The following EML3 variants were observed in gnomAD, a reference collection of about 807,000 sequenced individuals.
EML3 encodes echinoderm microtubule-associated protein-like 3.
EML3 carries 53 observed loss-of-function variants against 106.7 expected under a neutral mutation model. The ratio of observed to expected loss-of-function variants is 0.50; its 90% CI spans 0.40 to 0.62. The LOEUF (loss-of-function observed/expected upper bound fraction) is 0.62, where lower values mean the gene tolerates loss of function less well. EML3 is among the 20% of genes least tolerant of loss of function. EML3 has a pLI of 0.00. For synonymous variants in EML3, 499 were observed against 489.6 expected (o/e 1.02, Z -0.25); for missense variants, 994 against 1,209.1 (o/e 0.82, Z 2.64).
At chr11:62,602,707 G>A (rs772244133) in intron 21 of EML3, 29 bp from the exon 22 acceptor site, 9 of 1,599,412 alleles carry the variant, frequency 5.6e-6, no homozygotes, top group Non-Finnish European at 7.7e-6. Context: ...TTGCGGTGGC[G>A]GCTGAGCCCT....
rs1942718725 is a variant in EML3 at position 62,609,710 on chromosome 11, A to C, written c.567-14T>G. 3.1e-6 allele frequency: 5 copies of C among 1,588,936 alleles called. No homozygotes were observed. The East Asian group carries it at 1.1e-4, about 36-fold the overall frequency. ...TTTCCCCCACGGCTGTTGGGAAGAG[A>C]GAAAGCACAGGGATTGGGGTCAGGT... On this transcript the variant is annotated splice_polypyrimidine_tract_variant and intron_variant, in intron 4 of 21. Coordinates refer to ENST00000394773, the MANE Select transcript of EML3 (RefSeq NM_153265.3).
chr11:62,610,456 G>A (rs567262809), intron 4 of EML3, among the ~76,000 whole-genome samples: 89 of 152,304 alleles, frequency 5.8e-4, no homozygotes, highest in African/African-American at 1.8e-3. Context: ...AAGCTCTAGG[G>A]ACAGCCGTCC....
At position 62,609,366 on chromosome 11, in the gene EML3, C is replaced by T; in HGVS notation, c.746G>A (p.Ser249Asn). 2 of 1,582,158 alleles carry T rather than the reference C, an allele frequency of 1.3e-6. No individual in the cohort carries two copies. Among genetic ancestry groups the T allele is most frequent in the East Asian group, 2.2e-5 (1 of 44,560 alleles). The change falls in exon 6 of 22, where the codon AGC becomes AAC. Residue 249 changes from serine (S) to asparagine (N), a missense_variant. By Grantham distance (46) the Ser-to-Asn change is conservative. Around this residue, in one of 3 missense-constraint regions of EML3, gnomAD observed 713 missense variants for 920.5 expected, o/e 0.77. Coordinates refer to ENST00000394773, the MANE Select transcript of EML3 (RefSeq NM_153265.3). ...AGGGGCAGGATACACCCAGTCAAGG[C>T]TGAGGGTCTCTGGCGGTGGGCCACT... ...LPSGPPPETL[S>N]LDWVYGYRGR... is the part of the protein sequence containing the mutation.
At chr11:62,606,544 T>G (rs1405186998) in intron 12 of EML3, 2 of 377,488 alleles carry the variant, frequency 5.3e-6, no homozygotes, top group Non-Finnish European at 9.6e-6. Context: ...AAGAGAACTA[T>G]CAACTCTCAA....
In EML3 at chr11:62,605,705, G is replaced by A. The variant is rs141331729; in HGVS notation, c.1851C>T (p.His617=). The A allele has an allele frequency of 2.1e-5, 33 of 1,599,126 alleles. 1 individual carries two copies. Among genetic ancestry groups the A allele is most frequent in the Middle Eastern group, 1.7e-4 (1 of 5,896 alleles). ...CATCCCACAGGCAGAGCTGCCGGTC[G>A]TGGCCGCAGGTGAGGAAGCGGTTCT... ...PSQNRFLTCG[H]DRQLCLWDGE... is the part of the protein sequence containing the mutation. The change falls in exon 15 of 22, where the codon CAC becomes CAT. Residue 617 remains histidine, a synonymous_variant. Coordinates refer to ENST00000394773, the MANE Select transcript of EML3 (RefSeq NM_153265.3). The surrounding 1 kb of genome is among the most constrained non-coding windows in gnomAD (Gnocchi z 5.2).
chr11:62,608,076 A>T, intron 10 of EML3, 125 bp downstream of exon 10: 1 of 956,116 alleles, frequency 1.0e-6, no homozygotes, highest in Non-Finnish European at 1.6e-6. Context: ...CAGAGAAGCT[A>T]GGAGATTTGC....
chr11:62,607,625 A>G (rs771125802), intron 11 of EML3, 41 bp downstream of exon 11: 1 of 1,590,308 alleles, frequency 6.3e-7, no homozygotes, highest in Admixed American at 1.7e-5. Context: ...TTCCTCTTCC[A>G]CTCTGCCCTC....
At chr11:62,612,167 C>T (rs546230199) in intron 1 of EML3, 3 of 511,624 alleles carry the variant, frequency 5.9e-6, no homozygotes, top group Middle Eastern at 4.9e-4. Flanking sequence ...TGAAATACCA[C>T]GAGAAGAGGC....
chr11:62,607,863 T>C, intron 10 of EML3, 42 bp from the exon 11 acceptor site: 1 of 1,594,922 alleles, frequency 6.3e-7, no homozygotes, highest in Non-Finnish European at 8.6e-7. Context: ...AAGCCCTGGG[T>C]ACCTTCATTC....
intron 7 of EML3, 48 bp from the exon 8 acceptor site, chr11:62,608,853 C>A: frequency 1.3e-6 from 2 of 1,570,852 alleles, no homozygotes; most frequent in Non-Finnish European, 1.7e-6. Context: ...TCAAGACCAT[C>A]CAAGACACCT....
rs754132673 is a variant in EML3 at position 62,602,413 on chromosome 11, C to CAGGGA, written c.*57_*61dup. ...GGCCCCTAGTCGTGGGGGATTGGGC[C>CAGGGA]AGGGAAGGGCAGGGCGGGGCGGGGC... On this transcript the variant is annotated 3_prime_UTR_variant, in exon 22 of 22. Coordinates refer to ENST00000394773, the MANE Select transcript of EML3 (RefSeq NM_153265.3). 5.8e-6 allele frequency: 9 copies of CAGGGA among 1,543,616 alleles called. No homozygotes were observed. In the African/African-American group the frequency reaches 9.7e-5, roughly 17 times the overall value.
In EML3 at chr11:62,611,193, G is replaced by A. The variant is rs1942801640; in HGVS notation, c.346C>T (p.Pro116Ser). ...PPAPQGASEE[P>S]SGTQSEGGGS... ...CCTCCTTCAGATTGGGTCCCGCTAG[G>A]CTCTTCGCTGGCCCCCTGAGGGGCT... The change falls in exon 3 of 22, where the codon CCT (proline) becomes TCT (serine). Residue 116 changes from proline to serine, a missense_variant. Around this residue, in one of 3 missense-constraint regions of EML3, gnomAD observed 269 missense variants for 265.1 expected, o/e 1.01. Coordinates refer to ENST00000394773, the MANE Select transcript of EML3 (RefSeq NM_153265.3). 9 of 1,609,062 alleles carry A rather than the reference G, an allele frequency of 5.6e-6. No homozygotes were observed. The South Asian group carries it at 8.8e-5, about 16-fold the overall frequency.
rs879217408 is a variant in EML3 at position 62,602,333 on chromosome 11, C to T, written c.*142G>A. 8.1e-5 allele frequency: 126 copies of T among 1,551,138 alleles called. No homozygotes were observed. The highest frequency in any genetic ancestry group is 1.7e-4 in the Middle Eastern group (1 of 6,014). Reference sequence around the variant, plus strand: ...AGTGTGTGCAGGGGCGCCGTTCGCGCCCTCCAGGAAAATGCGCGATCGGGA... The same window carrying T: ...AGTGTGTGCAGGGGCGCCGTTCGCGTCCTCCAGGAAAATGCGCGATCGGGA... On this transcript the variant is annotated 3_prime_UTR_variant, in exon 22 of 22. Coordinates refer to ENST00000394773, the MANE Select transcript of EML3 (RefSeq NM_153265.3).
chr11:62,612,370 C>T lies in EML3; in HGVS notation c.22+66G>A, dbSNP rs563229659. The T allele has an allele frequency of 4.9e-4, 724 of 1,468,862 alleles. 4 individuals are homozygous for T. In the Middle Eastern group the frequency reaches 5.8e-3, roughly 12 times the overall value. The allele number at this position is 1,468,862 out of a possible 1,614,324, so 91.0% of individuals were successfully genotyped here. A position where few individuals can be genotyped will look rare whatever the true frequency, so the allele number is the denominator to read the frequency against. On this transcript the variant is annotated intron_variant, in intron 1 of 21. Coordinates refer to ENST00000394773, the MANE Select transcript of EML3 (RefSeq NM_153265.3). ...GACGCCTCCAGACAGCCGTCCAGCT[C>T]TGGCATAACCCGACGAGCCGGGCGC...
Position 62,602,484 on chromosome 11 carries a change from G to A in EML3, c.2682C>T (p.Leu894=). 6.5e-7 allele frequency: 1 copy of A among 1,535,632 alleles called. No individual in the cohort carries two copies. Among genetic ancestry groups the A allele is most frequent in the Non-Finnish European group, 8.8e-7 (1 of 1,138,910 alleles). ...RTPSLSPASS[L]DV ...TCCCGCCAGGCAGCGATCAAACGTC[G>A]AGGGAGGAGGCGGGGGACAGGGAGG... The change falls in exon 22 of 22, where the codon CTC becomes CTT. Residue 894 remains leucine, a synonymous_variant. Coordinates refer to ENST00000394773, the MANE Select transcript of EML3 (RefSeq NM_153265.3).
chr11:62,611,513 C>A lies in EML3; in HGVS notation c.106G>T (p.Ala36Ser). The A allele has an allele frequency of 6.2e-7, 1 of 1,613,798 alleles. No homozygotes were observed. The highest frequency in any genetic ancestry group is 8.5e-7 in the Non-Finnish European group (1 of 1,179,962). The change falls in exon 2 of 22, where the codon GCC (alanine) becomes TCC (serine). Residue 36 changes from alanine to serine, a missense_variant. By Grantham distance (99) the Ala-to-Ser change is moderately conservative (BLOSUM62 1). Coordinates refer to ENST00000394773, the MANE Select transcript of EML3 (RefSeq NM_153265.3). The part of the protein sequence containing the change: ...QEQEMELVKA[A>S]LAEALRLLRL... ...AGCAGGCGAAGGGCTTCTGCCAGGGCTGCCTTTACCAGTTCCATCTCCTGC... is the reference window on the plus strand; with the variant it reads ...AGCAGGCGAAGGGCTTCTGCCAGGGATGCCTTTACCAGTTCCATCTCCTGC...
intron 12 of EML3, among the ~76,000 whole-genome samples, chr11:62,606,632 G>A (rs565662331): frequency 8.5e-5 from 13 of 152,298 alleles, no homozygotes; most frequent in African/African-American, 2.6e-4. Flanking sequence ...CAAGGCGGGC[G>A]GATCACCTGA....
chr11:62,608,244 G>A lies in EML3; in HGVS notation c.1163C>T (p.Ser388Leu), dbSNP rs776012482. The A allele has an allele frequency of 5.6e-6, 9 of 1,613,702 alleles. No individual in the cohort carries two copies. Among genetic ancestry groups the A allele is most frequent in the East Asian group, 2.2e-5 (1 of 44,880 alleles). The change falls in exon 10 of 22, where the codon TCG becomes TTG. Residue 388 changes from serine to leucine, a missense_variant. Transcript: ENST00000394773. ...CATTCCCCGGCTGCAGTCCCACACC[G>A]ACAGCATGTGCTCATTGGAATCATC... ...VVDDSNEHML[S>L]VWDCSRGMKL...
intron 10 of EML3, 51 bp downstream of exon 10, chr11:62,608,150 C>T (rs1438173099): frequency 6.4e-7 from 1 of 1,565,598 alleles, no homozygotes; most frequent in Admixed American, 1.7e-5. Flanking sequence ...CTGCACTCCA[C>T]CACTCCCACC....
Sources: gnomAD v4.1 joint callset for allele counts (sites outside exome capture counted in the v4.1 genomes callset) on GRCh38, gnomAD v4.1.1 for gene constraint, gnomAD v4.1.1 regional missense constraint, Gnocchi (gnomAD v3.1) non-coding constraint, MANE v1.5 for transcripts, NCBI Gene and HGNC (gene_info 2026-07-23, HGNC 2026-07-21) for gene names.